FBXL14: variants seen among roughly 807,000 people sequenced by gnomAD.
FBXL14 encodes F-box/LRR-repeat protein 14.
FBXL14 carries 11 observed loss-of-function variants against 24.5 expected under a neutral mutation model. The observed-to-expected ratio is 0.45, with a 90% CI of 0.28 to 0.74. FBXL14 has a LOEUF of 0.74. Ranked by LOEUF, FBXL14 falls within the 30% of genes least tolerant of loss-of-function variation. The pLI, the probability that FBXL14 is intolerant of heterozygous loss-of-function variation, is 0.12. For synonymous variants in FBXL14, 294 were observed against 240.4 expected, an observed-to-expected ratio of 1.22 and a Z score of -2.06; for missense variants, 384 against 545.6, an observed-to-expected ratio of 0.70 and a Z score of 2.95.
In FBXL14 at chr12:1,573,858, A is replaced by G. The variant is rs766844200; in HGVS notation, c.1195-7048T>C. 5.9e-5 allele frequency among the ~76,000 whole-genome samples: 9 copies of G among 152,290 alleles called. No homozygotes were observed. The South Asian group carries it at 1.2e-3, about 21-fold the overall frequency. ...TGTCTCTACTACAAATAACACAATT[A>G]GCTGGGCGTGGTGGCGCATGCCTGT... On this transcript the variant is annotated intron_variant, in intron 1 of 1. Coordinates refer to ENST00000339235, the MANE Select transcript of FBXL14 (RefSeq NM_152441.3).
chr12:1,573,453 G>A (rs2094448915), intron 1 of FBXL14, among the ~76,000 whole-genome samples: 1 of 152,184 alleles, frequency 6.6e-6, no homozygotes, highest in African/African-American at 2.4e-5. Context: ...GTTCAACCTT[G>A]TCAGCTGAAT....
chr12:1,578,853 G>C (rs2094460814), intron 1 of FBXL14, among the ~76,000 whole-genome samples: 1 of 152,142 alleles, frequency 6.6e-6, no homozygotes, highest in South Asian at 2.1e-4. Context: ...TAAGGAGTCA[G>C]ACCACGGTGG....
chr12:1,593,905 C>T lies in FBXL14; in HGVS notation c.162G>A (p.Leu54=), dbSNP rs746326470. 1.3e-6 allele frequency: 2 copies of T among 1,598,682 alleles called. No homozygotes were observed. The highest frequency in any genetic ancestry group is 1.7e-6 in the Non-Finnish European group (2 of 1,177,282). ...VWRGVEAKLH[L]RRANPSLFPS... The stretch of plus-strand genomic sequence containing the variant: ...GGAACAGCGACGGGTTGGCCCGGCG[C>T]AGGTGCAGCTTGGCCTCCACCCCCC... Residue 54 remains leucine, a synonymous_variant, in exon 1 of 2, where the codon CTG becomes CTA. Coordinates refer to ENST00000339235, the MANE Select transcript of FBXL14 (RefSeq NM_152441.3). This position sits in a 1 kb window ranked among gnomAD's most constrained non-coding sequence, Gnocchi z 7.4.
Position 1,568,955 on chromosome 12 carries a change from A to C in FBXL14, c.1195-2145T>G, listed in dbSNP as rs955356618. Among the ~76,000 whole-genome samples the C allele has an allele frequency of 3.5e-4, 53 of 152,232 alleles. 1 individual carries two copies. Among genetic ancestry groups the C allele is most frequent in the Non-Finnish European group, 1.0e-4 (7 of 68,034 alleles). The stretch of plus-strand genomic sequence containing the variant: ...TTCAGATATAAATTGTGCTTCTGTC[A>C]GGTCACTTTAGGCTGACCAGCAAAA... On this transcript the variant is annotated intron_variant, in intron 1 of 1. Transcript: ENST00000339235.
At position 1,566,165 on chromosome 12, in the gene FBXL14, A is replaced by G. The variant is rs1340365234; in HGVS notation, c.*583T>C. ...ATTTGTCAGTGATTGAAATTGTTTC[A>G]GGGCAGGAACAGGGAATGAAATACG... On this transcript the variant is annotated 3_prime_UTR_variant, in exon 2 of 2. Transcript: ENST00000339235. 6 of 152,666 alleles carry G rather than the reference A, an allele frequency of 3.9e-5. No homozygotes were observed. The allele number at this position is 152,666 out of a possible 1,614,324, so 9.5% of individuals were successfully genotyped here.
At chr12:1,575,937 T>G (rs2094455047) in intron 1 of FBXL14, among the ~76,000 whole-genome samples, 1 of 152,190 alleles carries the variant, frequency 6.6e-6, no homozygotes, top group Admixed American at 6.5e-5. Context: ...TCAGAGGCAC[T>G]TCTCTTGCTG....
Position 1,594,401 on chromosome 12 carries a change from G to GCGCCCGGGCCGCGCCGCTC in FBXL14, c.-354_-336dup, listed in dbSNP as rs2094497398. ...CCGCCGCCTCGGCTCTACCCACGCC[G>GCGCCCGGGCCGCGCCGCTC]CGCCCGGGCCGCGCCGCTCCGCCCG... is the stretch of plus-strand genomic sequence containing the variant. On this transcript the variant is annotated 5_prime_UTR_variant, in exon 1 of 2. It removes the in-frame stop codon of an upstream open reading frame in the 5' UTR. Coordinates refer to ENST00000339235, the MANE Select transcript of FBXL14 (RefSeq NM_152441.3). Among the ~76,000 whole-genome samples the GCGCCCGGGCCGCGCCGCTC allele has an allele frequency of 6.9e-6, 1 of 145,020 alleles. No homozygotes were observed.
intron 1 of FBXL14, 43 bp downstream of exon 1, chr12:1,592,830 C>G: frequency 1.3e-6 from 2 of 1,498,578 alleles, no homozygotes; most frequent in Non-Finnish European, 1.8e-6. Context: ...GGAGGATGAA[C>G]AGGGCGGGAC....
chr12:1,573,759 C>T (rs2094449657), intron 1 of FBXL14, among the ~76,000 whole-genome samples: 1 of 152,204 alleles, frequency 6.6e-6, no homozygotes, highest in Admixed American at 6.5e-5. Context: ...AATCCCAACA[C>T]TTTGGGAGGC....
rs2094438516 is a variant in FBXL14, at chr12:1,567,673, G to A, written c.1195-863C>T. On this transcript the variant is annotated intron_variant, in intron 1 of 1. Coordinates refer to ENST00000339235, the MANE Select transcript of FBXL14 (RefSeq NM_152441.3). The surrounding 1 kb of genome is among the most constrained non-coding windows in gnomAD (Gnocchi z 4.8). ...TAAAGTAGGCAGCATGCAGGAACAG[G>A]TGCGCAATGAAAGCAGGGAGATGGG... Among the ~76,000 whole-genome samples the A allele has an allele frequency of 6.6e-6, 1 of 152,164 alleles. No individual in the cohort carries two copies. The highest frequency in any genetic ancestry group is 2.1e-4 in the South Asian group (1 of 4,832).
At chr12:1,592,300 GAAGATT>G (rs975557751) in intron 1 of FBXL14, among the ~76,000 whole-genome samples, 5 of 151,092 alleles carry the variant, frequency 3.3e-5, no homozygotes, top group Non-Finnish European at 5.9e-5. Context: ...AAACAGGAAA[GAAGATT>G]AAGAACATGA....
At chr12:1,571,847 C>T (rs577533080) in intron 1 of FBXL14, among the ~76,000 whole-genome samples, 22 of 152,358 alleles carry the variant, frequency 1.4e-4, no homozygotes, top group African/African-American at 4.8e-4. Context: ...ATCTTCCCAT[C>T]TCCTTGTTCC....
intron 1 of FBXL14, among the ~76,000 whole-genome samples, chr12:1,575,557 C>G (rs2094454252): frequency 6.6e-6 from 1 of 152,200 alleles, no homozygotes; most frequent in South Asian, 2.1e-4. Flanking sequence ...CAGCTCTACT[C>G]CCCCTCGGAA....
rs987314025 is a variant in FBXL14 at position 1,594,076 on chromosome 12, C to A, written c.-10G>T. ...AGATGTGGGTCTCCATCTTCCTCCT[C>A]CCCCCTCCGCGGCGCTGGGGGGAGG... is the stretch of plus-strand genomic sequence containing the variant. On this transcript the variant is annotated 5_prime_UTR_variant, in exon 1 of 2. Transcript: ENST00000339235. The A allele has an allele frequency of 1.1e-5, 16 of 1,433,812 alleles. No homozygotes were observed. The African/African-American group carries it at 2.0e-4, about 18-fold the overall frequency. 88.8% of individuals were successfully genotyped at this position (1,433,812 alleles called of 1,614,324 possible).
At chr12:1,585,892 A>G (rs2094475560) in intron 1 of FBXL14, among the ~76,000 whole-genome samples, 1 of 152,096 alleles carries the variant, frequency 6.6e-6, no homozygotes, top group South Asian at 2.1e-4. Flanking sequence ...TATTTATAGC[A>G]TGTGAAATAT....
chr12:1,592,138 C>G (rs1180402727), intron 1 of FBXL14, among the ~76,000 whole-genome samples: 1 of 149,208 alleles, frequency 6.7e-6, no homozygotes, highest in African/African-American at 2.5e-5. Context: ...TTGTAGAATT[C>G]CAGGGCTTCA....
intron 1 of FBXL14, among the ~76,000 whole-genome samples, chr12:1,589,776 T>C (rs1009468210): frequency 6.6e-6 from 1 of 152,196 alleles, no homozygotes; most frequent in Non-Finnish European, 1.5e-5. Context: ...TCCGGCTATA[T>C]ACTAAGTATG....
intron 1 of FBXL14, among the ~76,000 whole-genome samples, chr12:1,574,307 C>T (rs1463403252): frequency 3.6e-5 from 1 of 27,954 alleles, no homozygotes; most frequent in African/African-American, 1.1e-4. Context: ...TCCTGTGGGT[C>T]ATCCAGAGAG....
At chr12:1,594,804 C>G (rs1366818412), upstream of FBXL14, among the ~76,000 whole-genome samples, 1 of 151,184 alleles carries the variant, frequency 6.6e-6, no homozygotes, top group Non-Finnish European at 1.5e-5. Flanking sequence ...CCGGGCCGGC[C>G]CCGGCTCCGC....
Sources: gnomAD v4.1 joint callset for allele counts (sites outside exome capture counted in the v4.1 genomes callset) on GRCh38, gnomAD v4.1.1 for gene constraint, Gnocchi (gnomAD v3.1) non-coding constraint, MANE v1.5 for transcripts, NCBI Gene and HGNC (gene_info 2026-07-23, HGNC 2026-07-21) for gene names.